Variants in ITPR2 observed in about 807,000 individuals in gnomAD.
ITPR2 encodes the protein inositol 1,4,5-trisphosphate receptor type 2, also known as inositol 1,4,5-trisphosphate-gated calcium channel ITPR2.
In ITPR2, 207 loss-of-function variants were observed where a neutral mutation model predicts 317.1. The observed-to-expected ratio is 0.65, with a 90% CI of 0.58 to 0.73. The LOEUF is 0.73. Ranked by LOEUF, ITPR2 falls within the 30% of genes least tolerant of loss-of-function variation. The pLI, the probability that ITPR2 is intolerant of heterozygous loss-of-function variation, is 0.00. For missense variants in ITPR2, 2,613 were observed against 3,284.0 expected (o/e 0.80, Z 4.99); for synonymous variants, 1,156 against 1,149.1 (o/e 1.01, Z -0.12).
intron 32 of ITPR2, among the ~76,000 whole-genome samples, chr12:26,589,769 A>G (rs1341974702): frequency 6.0e-5 from 8 of 133,148 alleles, no homozygotes; most frequent in Non-Finnish European, 1.3e-4. Context: ...CCTGAGTGAA[A>G]GAACGAAACT....
At chr12:26,365,838 A>G (rs568177506) in intron 55 of ITPR2, among the ~76,000 whole-genome samples, 1 of 152,374 alleles carries the variant, frequency 6.6e-6, no homozygotes, top group South Asian at 2.1e-4. Flanking sequence ...ACAAACACTG[A>G]TCCCACAGCT....
At chr12:26,822,959 A>AT (rs1271436027) in intron 1 of ITPR2, among the ~76,000 whole-genome samples, 1 of 152,166 alleles carries the variant, frequency 6.6e-6, no homozygotes, top group Non-Finnish European at 1.5e-5. Context: ...AATTTTACCA[A>AT]TTTTTTTAAA....
At chr12:26,677,668 G>C (rs1222408319) in intron 13 of ITPR2, among the ~76,000 whole-genome samples, 2 of 152,070 alleles carry the variant, frequency 1.3e-5, no homozygotes, top group Admixed American at 1.3e-4. Context: ...AAATAAAATA[G>C]ACTATCAGAT....
intron 8 of ITPR2, among the ~76,000 whole-genome samples, chr12:26,712,408 T>C (rs1383715306): frequency 6.6e-6 from 1 of 152,138 alleles, no homozygotes; most frequent in African/African-American, 2.4e-5. Context: ...ATAACTCAGA[T>C]AAGATAATAA....
intron 37 of ITPR2, among the ~76,000 whole-genome samples, chr12:26,543,055 C>T (rs7972868): frequency 0.66 from 100,920 of 151,942 alleles, 36,056 homozygotes; most frequent in Non-Finnish European, 0.82. Flanking sequence ...AGAGAAATAA[C>T]TTGTAATGCT....
intron 21 of ITPR2, among the ~76,000 whole-genome samples, chr12:26,641,409 A>C (rs11611856): frequency 0.16 from 24,247 of 151,828 alleles, 2,622 homozygotes; most frequent in Non-Finnish European, 0.23. Context: ...AAAGCAATAA[A>C]ATAATAATAG....
rs563406912 is a variant in ITPR2, at chr12:26,781,772, C to A, written c.163+8385G>T. ...CAGTGGGCTGGGAAAGGCTGACCTA[C>A]CCTTAATCTGGGTGGGCACCATCTA... On this transcript the variant is annotated intron_variant, in intron 2 of 56. Transcript: ENST00000381340. Among the ~76,000 whole-genome samples the A allele has an allele frequency of 1.6e-3, 236 of 151,972 alleles. 1 individual carries two copies. Among genetic ancestry groups the A allele is most frequent in the African/African-American group, 5.4e-3 (222 of 41,404 alleles).
chr12:26,550,436 A>T, intron 36 of ITPR2, 81 bp from the exon 37 acceptor site: 2 of 670,260 alleles, frequency 3.0e-6, no homozygotes, highest in South Asian at 1.8e-5. Flanking sequence ...CATAGGGGAA[A>T]AAATTTACAC....
chr12:26,432,033 T>C (rs1043429045), intron 48 of ITPR2, among the ~76,000 whole-genome samples: 3 of 152,154 alleles, frequency 2.0e-5, no homozygotes, highest in Non-Finnish European at 4.4e-5. Context: ...ATTTATTATT[T>C]TTTTTTCTTT....
intron 45 of ITPR2, among the ~76,000 whole-genome samples, chr12:26,462,725 G>A (rs1942068348): frequency 6.7e-6 from 1 of 148,752 alleles, no homozygotes; most frequent in Admixed American, 6.7e-5. Flanking sequence ...AGGCTGGAGT[G>A]CAATGGCGCC....
chr12:26,695,576 A>AT (rs767396629), intron 10 of ITPR2, 30 bp downstream of exon 10: 1 of 1,577,466 alleles, frequency 6.3e-7, no homozygotes, highest in Admixed American at 1.7e-5. Context: ...ATATGCTGAG[A>AT]TTTGTTGGAG....
intron 46 of ITPR2, among the ~76,000 whole-genome samples, chr12:26,443,039 T>C (rs999754627): frequency 6.6e-6 from 1 of 152,064 alleles, no homozygotes; most frequent in African/African-American, 2.4e-5. Context: ...TAATGTCTCA[T>C]TTATGAGGGT....
chr12:26,608,647 G>A (rs1482969957), intron 26 of ITPR2, among the ~76,000 whole-genome samples: 3 of 152,008 alleles, frequency 2.0e-5, no homozygotes, highest in South Asian at 2.1e-4. Context: ...TGCCTGGCCC[G>A]CCCCACAGTC....
chr12:26,568,735 C>A (rs1488350546), intron 34 of ITPR2, among the ~76,000 whole-genome samples: 1 of 152,120 alleles, frequency 6.6e-6, no homozygotes, highest in African/African-American at 2.4e-5. Flanking sequence ...TTGTCAAGTT[C>A]TACTGTATAG....
intron 49 of ITPR2, among the ~76,000 whole-genome samples, chr12:26,420,179 A>T (rs1237115075): frequency 2.0e-5 from 3 of 152,142 alleles, no homozygotes; most frequent in East Asian, 1.9e-4. Flanking sequence ...CACTGCAGTA[A>T]TTACAAACCA....
rs1948272513 is a variant in ITPR2 at position 26,693,197 on chromosome 12, T to G, written c.996+2409A>C. Among the ~76,000 whole-genome samples, 3 of 152,216 alleles carry G rather than the reference T, an allele frequency of 2.0e-5. No individual in the cohort carries two copies. In the South Asian group the frequency reaches 6.2e-4, roughly 32 times the overall value. On this transcript the variant is annotated intron_variant, in intron 10 of 56. Transcript: ENST00000381340. ...AACATCTACAGCAAAAGCAGACCCA[T>G]CTGTGTTGAATGCAATTAAAGTATT... is the stretch of plus-strand genomic sequence containing the variant.
At chr12:26,644,938 A>G (rs1471367097) in intron 21 of ITPR2, among the ~76,000 whole-genome samples, 1 of 152,176 alleles carries the variant, frequency 6.6e-6, no homozygotes, top group Non-Finnish European at 1.5e-5. Flanking sequence ...TACTTCAAGC[A>G]CGGTCACTCA....
At chr12:26,483,573 A>G (rs1942591574) in intron 42 of ITPR2, 125 bp downstream of exon 42, 1 of 681,536 alleles carries the variant, frequency 1.5e-6, no homozygotes, top group Non-Finnish European at 2.6e-6. Flanking sequence ...CAGTCTTTGT[A>G]TGTTTTATTA....
intron 15 of ITPR2, among the ~76,000 whole-genome samples, chr12:26,663,101 T>C (rs1403667139): frequency 6.6e-6 from 1 of 152,172 alleles, no homozygotes; most frequent in Non-Finnish European, 1.5e-5. Flanking sequence ...AACGTGTCCT[T>C]TCTAGCATCT....
Sources: gnomAD v4.1 joint callset for allele counts (sites outside exome capture counted in the v4.1 genomes callset) on GRCh38, gnomAD v4.1.1 for gene constraint, MANE v1.5 for transcripts, NCBI Gene and HGNC (gene_info 2026-07-23, HGNC 2026-07-21) for gene names.